The following IL1RAPL1 variants were observed in gnomAD, a reference collection of about 807,000 sequenced individuals.
IL1RAPL1 encodes the protein interleukin-1 receptor accessory protein-like 1.
Under a neutral mutation model 48.4 loss-of-function variants are expected in IL1RAPL1, and 3 were observed. That is an observed-to-expected ratio of 0.06 (90% CI 0.03 to 0.16). The LOEUF is 0.16. Ranked by LOEUF, IL1RAPL1 falls within the 10% of genes least tolerant of loss-of-function variation. IL1RAPL1 has a pLI of 1.00. For synonymous variants in IL1RAPL1, 185 were observed against 187.7 expected (o/e 0.99, Z 0.12); for missense variants, 349 against 530.6 (o/e 0.66, Z 3.36).
At chrX:28,950,226 G>T (rs1924417352) in intron 2 of IL1RAPL1, among the ~76,000 whole-genome samples, 1 of 77,858 alleles carries the variant, frequency 1.3e-5, no homozygotes, top group Non-Finnish European at 2.4e-5. Flanking sequence ...TTTTTCTCAG[G>T]TTTGTCAAAG....
chrX:29,548,587 G>GT, intron 5 of IL1RAPL1, among the ~76,000 whole-genome samples: 1 of 111,774 alleles, frequency 8.9e-6, no homozygotes. Context: ...AACGTGAAAG[G>GT]TTTTTTATGA....
chrX:28,947,777 T>A (rs188614280), intron 2 of IL1RAPL1, among the ~76,000 whole-genome samples: 3 of 111,956 alleles, frequency 2.7e-5, no homozygotes, highest in African/African-American at 9.7e-5. Flanking sequence ...GTACTACTTA[T>A]ATGAAATAAT....
At chrX:29,253,735 T>A (rs921026883) in intron 2 of IL1RAPL1, among the ~76,000 whole-genome samples, 11 of 111,139 alleles carry the variant, frequency 9.9e-5, no homozygotes, top group African/African-American at 3.3e-4. Context: ...TCATTTCATA[T>A]CAACTATAGT....
intron 2 of IL1RAPL1, among the ~76,000 whole-genome samples, chrX:28,927,683 C>T (rs1015014272): frequency 3.7e-5 from 4 of 107,832 alleles, no homozygotes; most frequent in African/African-American, 1.0e-4. Context: ...AATTGAATGG[C>T]CATGTCTCTG....
intron 1 of IL1RAPL1, among the ~76,000 whole-genome samples, chrX:28,648,549 A>G (rs1446037170): frequency 8.9e-6 from 1 of 112,177 alleles, no homozygotes; most frequent in East Asian, 2.8e-4. Context: ...CTACCTCAGG[A>G]GAACTACTTT....
chrX:28,696,013 A>G (rs746274993), intron 1 of IL1RAPL1, among the ~76,000 whole-genome samples: 1 of 112,449 alleles, frequency 8.9e-6, no homozygotes, highest in East Asian at 2.8e-4. Flanking sequence ...AGATGCTTGC[A>G]AACAGGGTAT....
At chrX:29,007,322 G>A (rs1158242393) in intron 2 of IL1RAPL1, among the ~76,000 whole-genome samples, 1 of 111,899 alleles carries the variant, frequency 8.9e-6, no homozygotes, top group East Asian at 2.8e-4. Context: ...ATGAAGACCA[G>A]AATTGTTTAG....
chrX:29,602,009 G>A (rs1263467199), intron 5 of IL1RAPL1, among the ~76,000 whole-genome samples: 1 of 111,650 alleles, frequency 9.0e-6, no homozygotes, highest in East Asian at 2.8e-4. Context: ...TTGAGACGGA[G>A]TCTCACTCTT....
chrX:29,191,997 C>T (rs780256209), intron 2 of IL1RAPL1, among the ~76,000 whole-genome samples: 1 of 111,773 alleles, frequency 8.9e-6, no homozygotes, highest in Non-Finnish European at 1.9e-5. Flanking sequence ...AGAGCAAACT[C>T]TCCTTTGCTA....
At chrX:28,776,944 CA>C (rs1454387475) in intron 1 of IL1RAPL1, among the ~76,000 whole-genome samples, 1 of 112,043 alleles carries the variant, frequency 8.9e-6, no homozygotes, top group Admixed American at 9.5e-5. Context: ...TAATGATAAA[CA>C]AAAATATTCC....
At chrX:29,474,723 CTCA>C (rs1211705587) in intron 5 of IL1RAPL1, among the ~76,000 whole-genome samples, 1 of 111,781 alleles carries the variant, frequency 8.9e-6, no homozygotes, top group African/African-American at 3.3e-5. Context: ...TGAGAAAGAA[CTCA>C]TCACCAAGAG....
At chrX:29,591,015 C>T (rs892804675) in intron 5 of IL1RAPL1, among the ~76,000 whole-genome samples, 5 of 112,433 alleles carry the variant, frequency 4.4e-5, no homozygotes, top group Non-Finnish European at 9.4e-5. Flanking sequence ...TCTGGCATTA[C>T]ACATCCTCGA....
intron 1 of IL1RAPL1, among the ~76,000 whole-genome samples, chrX:28,679,190 G>A (rs1436853810): frequency 3.6e-5 from 4 of 111,911 alleles, no homozygotes; most frequent in South Asian, 7.3e-4. Flanking sequence ...CATAATTAGC[G>A]ATGTTGAGCA....
At chrX:29,348,140 T>A (rs1933175893) in intron 3 of IL1RAPL1, among the ~76,000 whole-genome samples, 1 of 112,414 alleles carries the variant, frequency 8.9e-6, no homozygotes, top group Admixed American at 9.4e-5. Context: ...ACAAAATGAA[T>A]TACACTGTGG....
At chrX:28,926,690 A>G (rs1923751111) in intron 2 of IL1RAPL1, among the ~76,000 whole-genome samples, 1 of 111,728 alleles carries the variant, frequency 9.0e-6, no homozygotes, top group African/African-American at 3.3e-5. Flanking sequence ...CAGCCTCTCC[A>G]AGCACCAAAC....
At chrX:29,318,588 G>A (rs1245268297) in intron 3 of IL1RAPL1, among the ~76,000 whole-genome samples, 2 of 112,376 alleles carry the variant, frequency 1.8e-5, no homozygotes, top group Non-Finnish European at 3.8e-5. Flanking sequence ...TTCAGTGTTT[G>A]TTTTATTTCA....
At chrX:29,237,438 C>T (rs1450729157) in intron 2 of IL1RAPL1, among the ~76,000 whole-genome samples, 1 of 112,300 alleles carries the variant, frequency 8.9e-6, no homozygotes, top group African/African-American at 3.2e-5. Flanking sequence ...AACATGGGAC[C>T]CCAGTGTGTA....
Position 29,102,050 on chromosome X carries a change from G to A in IL1RAPL1, c.83-180888G>A, listed in dbSNP as rs376569066. On this transcript the variant is annotated intron_variant, in intron 2 of 10. Coordinates refer to ENST00000378993, the MANE Select transcript of IL1RAPL1 (RefSeq NM_014271.4). ...ATCAGTGTGGTAAATCATATCAACC[G>A]AATGAAGGAAAAAAACATAGGATCA... Among the ~76,000 whole-genome samples the A allele has an allele frequency of 1.8e-4, 20 of 111,335 alleles. No homozygotes were observed. The East Asian group carries it at 2.0e-3, about 11-fold the overall frequency.
At chrX:29,858,551 A>C (rs1890507483) in intron 6 of IL1RAPL1, among the ~76,000 whole-genome samples, 1 of 110,869 alleles carries the variant, frequency 9.0e-6, no homozygotes, top group Admixed American at 9.6e-5. Context: ...TTACTCTTTT[A>C]TTCATCTTCT....
Sources: gnomAD v4.1 joint callset for allele counts (sites outside exome capture counted in the v4.1 genomes callset) on GRCh38, gnomAD v4.1.1 for gene constraint, MANE v1.5 for transcripts, NCBI Gene and HGNC (gene_info 2026-07-23, HGNC 2026-07-21) for gene names.